The following ABR variants were observed in gnomAD, a reference collection of about 807,000 sequenced individuals.
ABR encodes the protein active breakpoint cluster region-related protein.
In ABR, 35 loss-of-function variants were observed where a neutral mutation model predicts 107.2. That is an observed-to-expected ratio of 0.33 (90% CI 0.25 to 0.43). The LOEUF (loss-of-function observed/expected upper bound fraction) is 0.43. Ranked by LOEUF, ABR falls within the 20% of genes least tolerant of loss-of-function variation. The pLI, the probability that ABR is intolerant of heterozygous loss-of-function variation, is 1.00. For synonymous variants in ABR, 498 were observed against 462.0 expected (o/e 1.08, Z -1.00); for missense variants, 815 against 1,115.2 (o/e 0.73, Z 3.83).
chr17:1,188,499 A>G (rs1286978057), upstream of ABR, among the ~76,000 whole-genome samples: 3 of 151,768 alleles, frequency 2.0e-5, no homozygotes, highest in Non-Finnish European at 4.4e-5. Context: ...GCAGTGAACC[A>G]AGATCGCACC....
chr17:1,024,024 C>CAAAAAAAAAAAAAAAAAAAAAAAAAAAA (rs11334940), intron 16 of ABR, among the ~76,000 whole-genome samples: 1 of 47,678 alleles, frequency 2.1e-5, no homozygotes, highest in African/African-American at 7.7e-5. Context: ...GACTCCATCT[C>CAAAAAAAAAAAAAAAAAAAAAAAAAAAA]AAAAAAAAAA....
At chr17:1,149,669 A>T (rs555814711) in intron 1 of ABR, among the ~76,000 whole-genome samples, 2 of 152,114 alleles carry the variant, frequency 1.3e-5, no homozygotes, top group East Asian at 3.9e-4. Context: ...TACCCACCTT[A>T]GCCTCTCAAA....
intron 2 of ABR, among the ~76,000 whole-genome samples, chr17:1,119,858 G>A (rs2039267962): frequency 1.3e-5 from 2 of 152,326 alleles, no homozygotes; most frequent in Middle Eastern, 3.4e-3. Context: ...TGCCCCACTG[G>A]CTGCATGGTC....
At chr17:1,201,602 C>G (rs879754337) in intron 1 of ABR, among the ~76,000 whole-genome samples, 3 of 152,172 alleles carry the variant, frequency 2.0e-5, no homozygotes, top group Non-Finnish European at 4.4e-5. Context: ...GTGAAGGTCA[C>G]CAAAGCAAAA....
In ABR at chr17:1,057,702, T is replaced by TGA. The variant is rs1300837671; in HGVS notation, c.1381+266_1381+267dup. 3.7e-3 allele frequency: 1,358 copies of TGA among 369,702 alleles called. 7 individuals carry two copies. The highest frequency in any genetic ancestry group is 0.021 in the African/African-American group (975 of 47,268). The allele number at this position is 369,702 out of a possible 1,614,324, so 22.9% of individuals were successfully genotyped here. On this transcript the variant is annotated intron_variant, in intron 12 of 22. Transcript: ENST00000302538. ...GTGTGTGTCTCTGTGTGTGTGTGTG[T>TGA]GAGAGAGAGAGAGAGGTAGAGAGAG...
In ABR at chr17:1,173,465, G is replaced by A. The variant is rs562522993; in HGVS notation, c.61+6202C>T. 2.7e-5 allele frequency among the ~76,000 whole-genome samples: 4 copies of A among 149,758 alleles called. No homozygotes were observed. In the East Asian group the frequency reaches 6.1e-4, roughly 23 times the overall value. ...TTGAAGCCGCCTGCCCTAGGTTTGC[G>A]CCCAAAGGGCTCAAGCTCAGCCAAA... On this transcript the variant is annotated intron_variant, in intron 1 of 22. Transcript: ENST00000302538.
chr17:1,192,291 T>TATTTA (rs1489835384), upstream of ABR, among the ~76,000 whole-genome samples: 6 of 152,154 alleles, frequency 3.9e-5, no homozygotes, highest in Non-Finnish European at 8.8e-5. Context: ...AGTTACTTAT[T>TATTTA]ATTTCACTGA....
intron 16 of ABR, among the ~76,000 whole-genome samples, chr17:1,022,187 GGTGGAGCTGT>G (rs1286372498): frequency 6.6e-6 from 1 of 152,052 alleles, no homozygotes; most frequent in Admixed American, 6.5e-5. Context: ...CCACGTGGAA[GGTGGAGCTGT>G]GTGGGCACAT....
Position 1,112,495 on chromosome 17 carries a change from G to A in ABR, c.247-11760C>T, listed in dbSNP as rs181756000. Among the ~76,000 whole-genome samples, 383 of 152,302 alleles carry A rather than the reference G, an allele frequency of 2.5e-3. 1 individual carries two copies. Among genetic ancestry groups the A allele is most frequent in the Non-Finnish European group, 2.6e-3 (176 of 68,028 alleles). On this transcript the variant is annotated intron_variant, in intron 2 of 22. Transcript: ENST00000302538. ...ACCTGAAATCTCAGGTACTCAGGAG[G>A]CTGAGGTGGGAGGATCGTTTGAGCT...
At chr17:1,030,472 C>A (rs891822882) in intron 16 of ABR, among the ~76,000 whole-genome samples, 1 of 152,210 alleles carries the variant, frequency 6.6e-6, no homozygotes, top group Admixed American at 6.5e-5. Flanking sequence ...CTGGCAGCAG[C>A]TGGGGCCAGC....
chr17:1,035,177 G>C lies in ABR; in HGVS notation c.1791+14873C>G, dbSNP rs74732586. ...AATGGTCTTGGGTGGAAGAAGATCT[G>C]TGCAAGACAGATGTCCCCAGCAAAA... On this transcript the variant is annotated intron_variant, in intron 16 of 22. Transcript: ENST00000302538. 9.0e-4 allele frequency among the ~76,000 whole-genome samples: 136 copies of C among 151,838 alleles called. 3 individuals carry two copies. In the East Asian group the frequency reaches 0.025, roughly 28 times the overall value.
At position 1,050,097 on chromosome 17, in the gene ABR, C is replaced by A. The variant is rs768473124; in HGVS notation, c.1744G>T (p.Asp582Tyr). 1 of 1,614,182 alleles carries A rather than the reference C, an allele frequency of 6.2e-7. No individual in the cohort carries two copies. Among genetic ancestry groups the A allele is most frequent in the Non-Finnish European group, 8.5e-7 (1 of 1,180,026 alleles). The change falls in exon 16 of 23, where the codon GAC (aspartate) becomes TAC (tyrosine). Residue 582 changes from aspartate to tyrosine, a missense_variant. Physicochemically the swap from Asp to Tyr is radical, Grantham distance 160 (BLOSUM62 -3). This residue lies in a region of ABR where 92 missense variants were observed against 82.3 expected (regional missense o/e 1.12). Coordinates refer to ENST00000302538, the MANE Select transcript of ABR (RefSeq NM_021962.5). This position sits in a 1 kb window ranked among gnomAD's most constrained non-coding sequence, Gnocchi z 4.6. ...KCYDKTKVNK[D>Y]NNEIVDKIMG... The stretch of plus-strand genomic sequence containing the variant: ...ATCTTGTCCACGATCTCATTGTTGT[C>A]CTTGTTGACCTTGGTCTTGTCATAG...
At chr17:1,088,688 C>T (rs1263896032) in intron 4 of ABR, among the ~76,000 whole-genome samples, 5 of 151,740 alleles carry the variant, frequency 3.3e-5, no homozygotes, top group African/African-American at 1.2e-4. Context: ...CGAGTTCAAG[C>T]GATTCTCCCA....
chr17:1,170,190 G>A (rs914241822), intron 1 of ABR, among the ~76,000 whole-genome samples: 1 of 152,136 alleles, frequency 6.6e-6, no homozygotes, highest in African/African-American at 2.4e-5. Flanking sequence ...CTGGGGCAGA[G>A]GGCTGTCTCC....
chr17:1,224,945 C>G (rs778300778), intron 1 of ABR, among the ~76,000 whole-genome samples: 1 of 151,538 alleles, frequency 6.6e-6, no homozygotes, highest in Non-Finnish European at 1.5e-5. Flanking sequence ...GTCAGGAGAT[C>G]GAGATCATCC....
chr17:1,036,091 G>T (rs772057297), intron 16 of ABR, among the ~76,000 whole-genome samples: 9 of 152,064 alleles, frequency 5.9e-5, no homozygotes, highest in Non-Finnish European at 8.8e-5. Flanking sequence ...TAGAAATGCA[G>T]CTGCCGCTTT....
At chr17:1,108,140 C>T (rs1409682243) in intron 2 of ABR, among the ~76,000 whole-genome samples, 1 of 152,254 alleles carries the variant, frequency 6.6e-6, no homozygotes, top group Admixed American at 6.5e-5. Flanking sequence ...GACACAGAAC[C>T]AGAGAGCAGC....
rs576419636 is a variant in ABR, at chr17:1,186,049, C to T, written c.-78+751G>A. On this transcript the variant is annotated intron_variant, in intron 1 of 22. Coordinates refer to the ABR transcript ENST00000544583. ...ATGGGGTTTCGCCATGTTGGCCAGGCTGGTCTCGAACTCCCAACCTCAGGT... is the reference window on the plus strand; with the variant it reads ...ATGGGGTTTCGCCATGTTGGCCAGGTTGGTCTCGAACTCCCAACCTCAGGT... 7.9e-5 allele frequency among the ~76,000 whole-genome samples: 12 copies of T among 152,292 alleles called. 1 individual carries two copies. The South Asian group carries it at 2.3e-3, about 29-fold the overall frequency.
chr17:1,047,972 C>T (rs2031883200), intron 16 of ABR, among the ~76,000 whole-genome samples: 1 of 152,212 alleles, frequency 6.6e-6, no homozygotes, highest in Non-Finnish European at 1.5e-5. Context: ...TCTTCTATTC[C>T]ACAGCCACCA....
Sources: gnomAD v4.1 joint callset for allele counts (sites outside exome capture counted in the v4.1 genomes callset) on GRCh38, gnomAD v4.1.1 for gene constraint, gnomAD v4.1.1 regional missense constraint, Gnocchi (gnomAD v3.1) non-coding constraint, MANE v1.5 for transcripts, NCBI Gene and HGNC (gene_info 2026-07-23, HGNC 2026-07-21) for gene names.